Variants in DNER observed in about 807,000 individuals in gnomAD.
DNER encodes the protein delta and Notch-like epidermal growth factor-related receptor.
DNER carries 33 observed loss-of-function variants against 78.2 expected under a neutral mutation model. That is an observed-to-expected ratio of 0.42 (90% CI 0.32 to 0.56). The LOEUF (loss-of-function observed/expected upper bound fraction) is 0.56. DNER is among the 20% of genes least tolerant of loss of function. The pLI is 0.11. For missense variants in DNER, 918 were observed against 975.3 expected (o/e 0.94, Z 0.78); for synonymous variants, 417 against 384.8 (o/e 1.08, Z -0.98).
chr2:229,433,386 A>G (rs965584201), intron 8 of DNER, among the ~76,000 whole-genome samples: 6 of 152,218 alleles, frequency 3.9e-5, no homozygotes, highest in Non-Finnish European at 8.8e-5. Flanking sequence ...CCATCGGCAC[A>G]TGGACTAAAG....
chr2:229,561,176 A>T (rs937880785), intron 4 of DNER, among the ~76,000 whole-genome samples: 2 of 152,164 alleles, frequency 1.3e-5, no homozygotes, highest in Admixed American at 6.5e-5. Flanking sequence ...TGGCCAAAAA[A>T]TGCTTTCCAA....
chr2:229,703,300 G>A (rs963443896), intron 1 of DNER, among the ~76,000 whole-genome samples: 2 of 152,150 alleles, frequency 1.3e-5, no homozygotes, highest in Non-Finnish European at 2.9e-5. Context: ...GAGATAGACA[G>A]TCTTTTCAAC....
intron 8 of DNER, among the ~76,000 whole-genome samples, chr2:229,423,902 T>C (rs1012302605): frequency 6.6e-6 from 1 of 152,164 alleles, no homozygotes; most frequent in Non-Finnish European, 1.5e-5. Context: ...TTTGTAACTG[T>C]CTGAAATCCT....
At chr2:229,380,742 T>C (rs1311683306) in intron 11 of DNER, among the ~76,000 whole-genome samples, 1 of 151,860 alleles carries the variant, frequency 6.6e-6, no homozygotes, top group Non-Finnish European at 1.5e-5. Context: ...CTGGCCAACA[T>C]AGTGAAACCC....
chr2:229,471,710 C>T (rs1399278511), intron 7 of DNER, among the ~76,000 whole-genome samples: 1 of 152,210 alleles, frequency 6.6e-6, no homozygotes, highest in Non-Finnish European at 1.5e-5. Context: ...CTAACATTAA[C>T]TCAGCACCTA....
At chr2:229,671,609 A>C (rs181116181) in intron 1 of DNER, among the ~76,000 whole-genome samples, 1 of 152,222 alleles carries the variant, frequency 6.6e-6, no homozygotes, top group African/African-American at 2.4e-5. Flanking sequence ...CACAAAGCAC[A>C]GTGTCCACAA....
intron 1 of DNER, among the ~76,000 whole-genome samples, chr2:229,615,182 C>G (rs959037704): frequency 5.9e-5 from 9 of 151,944 alleles, no homozygotes; most frequent in African/African-American, 2.2e-4. Flanking sequence ...GAGGCCGAGG[C>G]AGGCGGATCG....
chr2:229,626,911 G>A (rs1337721336), intron 1 of DNER, among the ~76,000 whole-genome samples: 1 of 152,124 alleles, frequency 6.6e-6, no homozygotes, highest in Non-Finnish European at 1.5e-5. Context: ...AAACCACCAG[G>A]GCATTTTAGA....
intron 8 of DNER, among the ~76,000 whole-genome samples, chr2:229,442,388 G>A (rs1159153611): frequency 6.6e-6 from 1 of 152,040 alleles, no homozygotes; most frequent in Non-Finnish European, 1.5e-5. Flanking sequence ...GGTGGTGGGT[G>A]CCTGTAGTCC....
chr2:229,406,446 G>C (rs920047833), intron 10 of DNER, among the ~76,000 whole-genome samples: 2 of 152,118 alleles, frequency 1.3e-5, no homozygotes, highest in African/African-American at 2.4e-5. Flanking sequence ...GGAACATTTT[G>C]TCTCCGGTGG....
intron 12 of DNER, among the ~76,000 whole-genome samples, chr2:229,360,747 G>A (rs1233170785): frequency 2.0e-5 from 3 of 152,190 alleles, no homozygotes; most frequent in Non-Finnish European, 4.4e-5. Flanking sequence ...TCTCAAGAGT[G>A]AGCCACATGG....
intron 1 of DNER, among the ~76,000 whole-genome samples, chr2:229,620,825 C>T (rs1017104628): frequency 3.3e-5 from 5 of 152,166 alleles, no homozygotes; most frequent in African/African-American, 9.7e-5. Context: ...CCTGGTCCAA[C>T]AGGACTACTG....
intron 1 of DNER, among the ~76,000 whole-genome samples, chr2:229,711,022 G>C (rs1050113096): frequency 3.3e-3 from 334 of 102,626 alleles, no homozygotes; most frequent in African/African-American, 0.012. Flanking sequence ...CACACACACA[G>C]GATACAAAAA....
intron 1 of DNER, among the ~76,000 whole-genome samples, chr2:229,673,337 CA>C (rs199553164): frequency 0.026 from 3,951 of 152,194 alleles, 79 homozygotes; most frequent in Middle Eastern, 0.065. Context: ...CTCATCCTGA[CA>C]TCATCCGCAG....
intron 6 of DNER, among the ~76,000 whole-genome samples, chr2:229,491,427 C>T (rs1340314004): frequency 6.6e-6 from 1 of 152,184 alleles, no homozygotes. Context: ...CCAATCACCT[C>T]CCAAAGGCTC....
chr2:229,539,235 T>G (rs1350649858), intron 5 of DNER, among the ~76,000 whole-genome samples: 2 of 152,232 alleles, frequency 1.3e-5, no homozygotes, highest in South Asian at 4.1e-4. Flanking sequence ...ATTAATGATG[T>G]AGAGGAATGA....
intron 5 of DNER, among the ~76,000 whole-genome samples, chr2:229,529,162 G>A (rs1319979580): frequency 6.6e-6 from 1 of 152,070 alleles, no homozygotes; most frequent in African/African-American, 2.4e-5. Context: ...AAGTCTACCT[G>A]CTGCTTTTGA....
intron 10 of DNER, among the ~76,000 whole-genome samples, chr2:229,398,276 C>T (rs774460191): frequency 5.6e-4 from 85 of 151,956 alleles, no homozygotes; most frequent in Non-Finnish European, 9.4e-4. Context: ...AAATGCACTA[C>T]TTCCTCAAAA....
At chr2:229,515,892 T>C (rs6730117) in intron 5 of DNER, among the ~76,000 whole-genome samples, 6,240 of 152,232 alleles carry the variant, frequency 0.041, 194 homozygotes, top group East Asian at 0.13. Context: ...TCCTCCCGCC[T>C]CGGCCTCCCA....
Sources: gnomAD v4.1 joint callset for allele counts (sites outside exome capture counted in the v4.1 genomes callset) on GRCh38, gnomAD v4.1.1 for gene constraint, MANE v1.5 for transcripts, NCBI Gene and HGNC (gene_info 2026-07-23, HGNC 2026-07-21) for gene names.